The following PRKCE variants were observed in gnomAD, a reference collection of about 807,000 sequenced individuals.
The protein encoded by PRKCE is protein kinase C epsilon type.
In PRKCE, 16 loss-of-function variants were observed where a neutral mutation model predicts 85.4. The ratio of observed to expected loss-of-function variants is 0.19; its 90% CI spans 0.13 to 0.28. PRKCE has a LOEUF of 0.28. PRKCE is among the 10% of genes least tolerant of loss of function. PRKCE has a pLI of 1.00. For synonymous variants in PRKCE, 388 were observed against 371.5 expected, an observed-to-expected ratio of 1.04 and a Z score of -0.51; for missense variants, 573 against 975.2, an observed-to-expected ratio of 0.59 and a Z score of 5.49.
At chr2:45,703,123 TTA>T (rs1678809117) in intron 1 of PRKCE, among the ~76,000 whole-genome samples, 1 of 23,790 alleles carries the variant, frequency 4.2e-5, no homozygotes, top group African/African-American at 5.3e-4. Flanking sequence ...TCTGTTTTAT[TTA>T]TTTTTTTTTT....
chr2:45,855,516 T>G (rs186190651), intron 2 of PRKCE, among the ~76,000 whole-genome samples: 2 of 152,260 alleles, frequency 1.3e-5, no homozygotes, highest in African/African-American at 2.4e-5. Flanking sequence ...TGCTCCTTAA[T>G]GTCTCTCTCG....
At chr2:45,977,148 C>G (rs2104537989) in intron 3 of PRKCE, among the ~76,000 whole-genome samples, 1 of 152,246 alleles carries the variant, frequency 6.6e-6, no homozygotes, top group Admixed American at 6.5e-5. Flanking sequence ...CCACCCACCT[C>G]TGCCCCCCAA....
At chr2:45,670,085 G>A (rs1225950431) in intron 1 of PRKCE, among the ~76,000 whole-genome samples, 4 of 152,170 alleles carry the variant, frequency 2.6e-5, no homozygotes, top group Non-Finnish European at 5.9e-5. Flanking sequence ...ACATAGATGT[G>A]TGACGCACTA....
At chr2:46,084,351 T>C (rs1669377256) in intron 10 of PRKCE, among the ~76,000 whole-genome samples, 1 of 152,186 alleles carries the variant, frequency 6.6e-6, no homozygotes, top group Non-Finnish European at 1.5e-5. Context: ...AAGAAGCTCA[T>C]TGGTAAATGT....
At chr2:45,795,164 G>C (rs1687335000) in intron 1 of PRKCE, among the ~76,000 whole-genome samples, 1 of 152,182 alleles carries the variant, frequency 6.6e-6, no homozygotes, top group South Asian at 2.1e-4. Context: ...CAGCCTCACA[G>C]TTTCTGGTCT....
chr2:46,173,393 G>C (rs890445078), intron 14 of PRKCE, among the ~76,000 whole-genome samples: 3 of 152,218 alleles, frequency 2.0e-5, no homozygotes, highest in Non-Finnish European at 4.4e-5. Context: ...GGCAACCCTT[G>C]CTCCAGGGGT....
intron 1 of PRKCE, among the ~76,000 whole-genome samples, chr2:45,694,210 A>G (rs1677962597): frequency 2.0e-5 from 3 of 150,898 alleles, no homozygotes; most frequent in South Asian, 4.3e-4. Flanking sequence ...AGCGTCAAGT[A>G]TTAAAGCCAG....
At chr2:46,099,895 T>G (rs1460828854) in intron 11 of PRKCE, among the ~76,000 whole-genome samples, 1 of 152,182 alleles carries the variant, frequency 6.6e-6, no homozygotes. Context: ...ATTTCACCTG[T>G]CTTTTTAGTC....
intron 2 of PRKCE, among the ~76,000 whole-genome samples, chr2:45,965,067 C>T (rs1245306461): frequency 6.6e-6 from 1 of 152,204 alleles, no homozygotes; most frequent in African/African-American, 2.4e-5. Context: ...ATAAAACATG[C>T]AGGCAATCTC....
chr2:45,767,426 C>T (rs1253221039), intron 1 of PRKCE, among the ~76,000 whole-genome samples: 1 of 152,116 alleles, frequency 6.6e-6, no homozygotes, highest in Non-Finnish European at 1.5e-5. Flanking sequence ...TATGCTTATC[C>T]AAAAGTCTTG....
chr2:46,102,676 G>A (rs1274830845), intron 11 of PRKCE, among the ~76,000 whole-genome samples: 1 of 152,078 alleles, frequency 6.6e-6, no homozygotes, highest in Non-Finnish European at 1.5e-5. Flanking sequence ...CTTGTTTTAT[G>A]ACCTTCACTA....
intron 1 of PRKCE, among the ~76,000 whole-genome samples, chr2:45,703,023 C>CCCG (rs1678791291): frequency 6.6e-6 from 1 of 150,552 alleles, no homozygotes; most frequent in Admixed American, 6.6e-5. Flanking sequence ...GCCTTTTTTC[C>CCCG]CCCCCCGTCA....
intron 2 of PRKCE, among the ~76,000 whole-genome samples, chr2:45,890,307 A>T (rs1230453424): frequency 1.3e-5 from 2 of 152,096 alleles, no homozygotes; most frequent in Non-Finnish European, 2.9e-5. Context: ...TTTCCCTCGG[A>T]TTATTTTGAA....
rs1675268305 is a variant in PRKCE, at chr2:46,139,141, T to G, written c.1593-5952T>G. 6.6e-6 allele frequency among the ~76,000 whole-genome samples: 1 copy of G among 152,172 alleles called. No homozygotes were observed. Among genetic ancestry groups the G allele is most frequent in the South Asian group, 2.1e-4 (1 of 4,824 alleles). Reference sequence around the variant, plus strand: ...AAATCAGGGACCACCAAAGATGCTATCACCATTATTACTTAGCATTGTTCT... The same window carrying G: ...AAATCAGGGACCACCAAAGATGCTAGCACCATTATTACTTAGCATTGTTCT... On this transcript the variant is annotated intron_variant, in intron 11 of 14. Coordinates refer to ENST00000306156, the MANE Select transcript of PRKCE (RefSeq NM_005400.3). The surrounding 1 kb of genome is among the most constrained non-coding windows in gnomAD (Gnocchi z 5.2).
chr2:45,828,381 C>T (rs1461579967), intron 1 of PRKCE, among the ~76,000 whole-genome samples: 1 of 152,204 alleles, frequency 6.6e-6, no homozygotes, highest in Non-Finnish European at 1.5e-5. Flanking sequence ...GTCTGGGCAA[C>T]AGAGCGAGAC....
chr2:45,909,325 A>T (rs951768349), intron 2 of PRKCE, among the ~76,000 whole-genome samples: 3 of 152,210 alleles, frequency 2.0e-5, no homozygotes, highest in African/African-American at 7.2e-5. Context: ...GGTGGTAGGC[A>T]CCAGAAGGGG....
intron 6 of PRKCE, among the ~76,000 whole-genome samples, chr2:45,997,104 A>C (rs931098621): frequency 4.6e-5 from 7 of 152,132 alleles, no homozygotes; most frequent in African/African-American, 1.7e-4. Context: ...GATAGGCATA[A>C]TATTCTTTAT....
chr2:45,738,279 G>C (rs908982557), intron 1 of PRKCE, among the ~76,000 whole-genome samples: 2 of 152,168 alleles, frequency 1.3e-5, no homozygotes, highest in African/African-American at 4.8e-5. Context: ...ATAGCAACTA[G>C]AGCCTTTTAT....
chr2:45,989,318 T>C (rs1023516871), intron 6 of PRKCE, among the ~76,000 whole-genome samples: 1 of 152,224 alleles, frequency 6.6e-6, no homozygotes, highest in Non-Finnish European at 1.5e-5. Context: ...TAATAACTGC[T>C]CTGATCTGCG....
Sources: gnomAD v4.1 joint callset for allele counts (sites outside exome capture counted in the v4.1 genomes callset) on GRCh38, gnomAD v4.1.1 for gene constraint, Gnocchi (gnomAD v3.1) non-coding constraint, MANE v1.5 for transcripts, NCBI Gene and HGNC (gene_info 2026-07-23, HGNC 2026-07-21) for gene names.